Variants in CSMD3 observed in about 807,000 individuals in gnomAD.
The protein encoded by CSMD3 is CUB and Sushi multiple domains 3, also known as CUB and sushi domain-containing protein 3.
In CSMD3, 177 loss-of-function variants were observed where a neutral mutation model predicts 435.2. That is an observed-to-expected ratio of 0.41 (90% CI 0.36 to 0.46). The LOEUF (loss-of-function observed/expected upper bound fraction) is 0.46, where lower values mean the gene tolerates loss of function less well. Ranked by LOEUF, CSMD3 falls within the 20% of genes least tolerant of loss-of-function variation. The pLI, the probability that CSMD3 is intolerant of heterozygous loss-of-function variation, is 0.34. For synonymous variants in CSMD3, 1,656 were observed against 1,520.5 expected, an observed-to-expected ratio of 1.09 and a Z score of -2.07; for missense variants, 4,265 against 4,504.6, an observed-to-expected ratio of 0.95 and a Z score of 1.52.
intron 47 of CSMD3, 112 bp from the exon 48 acceptor site, chr8:112,314,729 C>T (rs989227953): frequency 3.6e-5 from 27 of 759,464 alleles, no homozygotes; most frequent in African/African-American, 5.2e-5. Flanking sequence ...AAGGATGATA[C>T]GTTGAATTAT....
rs1342353387 is a variant in CSMD3 at position 112,947,833 on chromosome 8, G to T, written c.1465C>A (p.Pro489Thr). Residue 489 changes from proline to threonine, a missense_variant, in exon 9 of 71, where the codon CCA becomes ACA. Physicochemically the swap from Pro to Thr is conservative, Grantham distance 38 (BLOSUM62 -1). Transcript: ENST00000297405. ...CTCTTCCCATTTTCTGGTTCTCCTG[G>T]ATCTGGGCATAAATTGGAAGCTGTT... ...IKTASNLCPD[P>T]GEPENGKRIG... 3.2e-6 allele frequency: 5 copies of T among 1,549,978 alleles called. No individual in the cohort carries two copies. Among genetic ancestry groups the T allele is most frequent in the Non-Finnish European group, 4.4e-6 (5 of 1,123,886 alleles).
At chr8:112,751,888 T>C (rs1306939482) in intron 13 of CSMD3, among the ~76,000 whole-genome samples, 4 of 152,118 alleles carry the variant, frequency 2.6e-5, no homozygotes, top group African/African-American at 9.7e-5. Flanking sequence ...AAACGTGTGC[T>C]GTGGTGGTTT....
At chr8:113,064,638 G>T (rs192552966) in intron 5 of CSMD3, among the ~76,000 whole-genome samples, 1 of 152,236 alleles carries the variant, frequency 6.6e-6, no homozygotes, top group African/African-American at 2.4e-5. Flanking sequence ...GCCACCCAGT[G>T]GTGAGCTATA....
At chr8:113,224,589 G>A (rs2093005443) in intron 3 of CSMD3, among the ~76,000 whole-genome samples, 1 of 151,042 alleles carries the variant, frequency 6.6e-6, no homozygotes, top group Non-Finnish European at 1.5e-5. Flanking sequence ...AAATACATTA[G>A]AGGCAACTAA....
rs761384088 is a variant in CSMD3, at chr8:113,087,947, C to T, written c.917+10809G>A. Reference sequence around the variant, plus strand: ...AACCTACAAAATGGGAGAAAATTTTCGCAACCTACTCATCTGACAAAGGGC... The same window carrying T: ...AACCTACAAAATGGGAGAAAATTTTTGCAACCTACTCATCTGACAAAGGGC... On this transcript the variant is annotated intron_variant, in intron 5 of 70. Transcript: ENST00000297405. 6.5e-3 allele frequency among the ~76,000 whole-genome samples: 979 copies of T among 151,334 alleles called. 1 individual carries two copies. The highest frequency in any genetic ancestry group is 8.8e-3 in the Non-Finnish European group (597 of 67,784).
rs964777494 is a variant in CSMD3, at chr8:112,320,442, C to CA, written c.7166-462dup. On this transcript the variant is annotated intron_variant, in intron 45 of 70. Coordinates refer to ENST00000297405, the MANE Select transcript of CSMD3 (RefSeq NM_198123.2). ...TTATAAATACTTAACTCAATCCTCA[C>CA]AAAAAAAATTTTCTTATTTAATTTA... 1.2e-3 allele frequency among the ~76,000 whole-genome samples: 177 copies of CA among 151,986 alleles called. 2 individuals are homozygous for CA. The highest frequency in any genetic ancestry group is 6.8e-3 in the Middle Eastern group (2 of 294).
intron 5 of CSMD3, among the ~76,000 whole-genome samples, chr8:113,055,916 T>C (rs2088314896): frequency 6.6e-6 from 1 of 152,038 alleles, no homozygotes; most frequent in Non-Finnish European, 1.5e-5. Flanking sequence ...CCGCAGAAGG[T>C]CTTATATGAG....
rs1563912821 is a variant in CSMD3 at position 112,410,606 on chromosome 8, A to ATATATATATGTATATATATATGTG, written c.5396-1575_5396-1574insCACATATATATATACATATATATA. Among the ~76,000 whole-genome samples the ATATATATATGTATATATATATGTG allele has an allele frequency of 1.7e-3, 88 of 53,088 alleles. 6 individuals are homozygous for ATATATATATGTATATATATATGTG. The highest frequency in any genetic ancestry group is 8.1e-3 in the Middle Eastern group (1 of 124). The allele number at this position is 53,088 out of a possible 152,430, so 34.8% of individuals were successfully genotyped here. A position where few individuals can be genotyped will look rare whatever the true frequency, so the allele number is the denominator to read the frequency against. On this transcript the variant is annotated intron_variant, in intron 32 of 70. Transcript: ENST00000297405. ...CATACATATGTATATATATATGTGT[A>ATATATATATGTATATATATATGTG]TATATATATGTATATATATGTGTAT... is the stretch of plus-strand genomic sequence containing the variant.
intron 1 of CSMD3, among the ~76,000 whole-genome samples, chr8:113,431,113 A>G (rs1299539850): frequency 6.6e-6 from 1 of 152,200 alleles, no homozygotes; most frequent in Admixed American, 6.5e-5. Context: ...CCTTGCAGGC[A>G]TGGAGGTAGG....
chr8:112,489,918 A>G (rs1448925536), intron 31 of CSMD3, among the ~76,000 whole-genome samples: 2 of 152,176 alleles, frequency 1.3e-5, no homozygotes, highest in Non-Finnish European at 2.9e-5. Flanking sequence ...TCTTAGGGAA[A>G]TTTTTAAATA....
intron 2 of CSMD3, among the ~76,000 whole-genome samples, chr8:113,291,583 T>C (rs1156480057): frequency 6.6e-6 from 1 of 151,822 alleles, no homozygotes; most frequent in South Asian, 2.1e-4. Context: ...TGGGATTCCT[T>C]TGAGAGCATC....
intron 45 of CSMD3, among the ~76,000 whole-genome samples, chr8:112,328,782 T>A (rs1002203853): frequency 6.6e-6 from 1 of 152,122 alleles, no homozygotes; most frequent in African/African-American, 2.4e-5. Flanking sequence ...CTTTACACAC[T>A]CACTGTCTCT....
chr8:113,382,809 C>T (rs545372347), intron 1 of CSMD3, among the ~76,000 whole-genome samples: 9 of 151,984 alleles, frequency 5.9e-5, no homozygotes, highest in South Asian at 4.2e-4. Flanking sequence ...GATGAAACCC[C>T]GTCTCTACTA....
At chr8:112,374,469 G>A (rs567810666) in intron 38 of CSMD3, among the ~76,000 whole-genome samples, 1 of 152,204 alleles carries the variant, frequency 6.6e-6, no homozygotes, top group Admixed American at 6.6e-5. Context: ...TATGTCACCA[G>A]TGTAGTCAAG....
intron 1 of CSMD3, among the ~76,000 whole-genome samples, chr8:113,372,799 T>C (rs1443022818): frequency 6.6e-6 from 1 of 151,762 alleles, no homozygotes; most frequent in African/African-American, 2.4e-5. Flanking sequence ...CCGGGCGTGG[T>C]GGCGGGCGCC....
At chr8:112,994,994 T>A (rs1410023602) in intron 6 of CSMD3, among the ~76,000 whole-genome samples, 1 of 151,500 alleles carries the variant, frequency 6.6e-6, no homozygotes, top group Admixed American at 6.6e-5. Context: ...ATAATAAATA[T>A]TTTTCTTATA....
At chr8:112,920,988 C>CGT (rs141686415) in intron 10 of CSMD3, among the ~76,000 whole-genome samples, 34,994 of 110,558 alleles carry the variant, frequency 0.32, 4,764 homozygotes, top group East Asian at 0.43. Flanking sequence ...TACACACATA[C>CGT]GCGCGCGCGC....
At chr8:113,296,751 T>C (rs1482405020) in intron 2 of CSMD3, among the ~76,000 whole-genome samples, 1 of 152,278 alleles carries the variant, frequency 6.6e-6, no homozygotes, top group South Asian at 2.1e-4. Flanking sequence ...CCTCCTTCTG[T>C]TTCTTGGTTA....
intron 24 of CSMD3, among the ~76,000 whole-genome samples, chr8:112,562,883 G>A (rs772587394): frequency 6.0e-5 from 9 of 151,218 alleles, no homozygotes; most frequent in African/African-American, 2.2e-4. Flanking sequence ...TTTCTCTAAC[G>A]TATTTAGCTA....
Sources: gnomAD v4.1 joint callset for allele counts (sites outside exome capture counted in the v4.1 genomes callset) on GRCh38, gnomAD v4.1.1 for gene constraint, MANE v1.5 for transcripts, NCBI Gene and HGNC (gene_info 2026-07-23, HGNC 2026-07-21) for gene names.